The following FLT3 variants were observed in gnomAD, a reference collection of about 807,000 sequenced individuals.
FLT3 encodes the protein fms related receptor tyrosine kinase 3.
FLT3 carries 46 observed loss-of-function variants against 126.6 expected under a neutral mutation model. That is an observed-to-expected ratio of 0.36 (90% CI 0.29 to 0.46). FLT3 has a LOEUF of 0.46. Ranked by LOEUF, FLT3 falls within the 20% of genes least tolerant of loss-of-function variation. The pLI is 1.00. For missense variants in FLT3, 1,069 were observed against 1,190.3 expected (o/e 0.90, Z 1.50); for synonymous variants, 404 against 434.4 (o/e 0.93, Z 0.87).
rs142922228 is a variant in FLT3, at chr13:28,004,055, C to G, written c.2979G>C (p.Ser993=). The G allele has an allele frequency of 1.2e-6, 2 of 1,614,086 alleles. No homozygotes were observed. The highest frequency in any genetic ancestry group is 2.2e-5 in the South Asian group (2 of 91,070). ...TCCTTAAAACTAAATTGTTCCTCTA[C>G]GAATCTTCGACCTGAGCCTGCGGAG... ...LLSPQAQVED[S] The change falls in exon 24 of 24, where the codon TCG becomes TCC. Residue 993 remains serine, a synonymous_variant. Coordinates refer to ENST00000241453, the MANE Select transcript of FLT3 (RefSeq NM_004119.3).
At chr13:28,004,544 G>T (rs1593200941) in intron 23 of FLT3, among the ~76,000 whole-genome samples, 1 of 152,170 alleles carries the variant, frequency 6.6e-6, no homozygotes, top group African/African-American at 2.4e-5. Context: ...GGGCTCAAGT[G>T]ATCCCACACC....
At chr13:28,007,171 T>A (rs1036555569) in intron 23 of FLT3, among the ~76,000 whole-genome samples, 3 of 152,200 alleles carry the variant, frequency 2.0e-5, no homozygotes, top group African/African-American at 7.2e-5. Context: ...AAGAAGTATA[T>A]AAATTTTCTT....
chr13:28,098,449 A>G (rs1156825777), intron 1 of FLT3, among the ~76,000 whole-genome samples: 2 of 151,816 alleles, frequency 1.3e-5, no homozygotes, highest in African/African-American at 4.8e-5. Context: ...ATCCTTCTTT[A>G]TTCAAGAAAA....
chr13:28,007,976 G>C (rs1290560862), intron 23 of FLT3, among the ~76,000 whole-genome samples: 1 of 151,916 alleles, frequency 6.6e-6, no homozygotes, highest in East Asian at 1.9e-4. Context: ...TTTCTGCTTT[G>C]TTCATTTTCC....
intron 23 of FLT3, among the ~76,000 whole-genome samples, chr13:28,007,183 T>C (rs897960416): frequency 6.6e-6 from 1 of 152,210 alleles, no homozygotes; most frequent in Non-Finnish European, 1.5e-5. Flanking sequence ...AATTTTCTTA[T>C]ACTTTAAAAA....
intron 23 of FLT3, among the ~76,000 whole-genome samples, chr13:28,007,357 T>C (rs1279553186): frequency 6.6e-6 from 1 of 152,070 alleles, no homozygotes; most frequent in Non-Finnish European, 1.5e-5. Context: ...AGTGATTCTC[T>C]TGTCTCAGCC....
At chr13:28,073,936 C>T (rs1402540405) in intron 1 of FLT3, among the ~76,000 whole-genome samples, 2 of 71,752 alleles carry the variant, frequency 2.8e-5, no homozygotes, top group Admixed American at 1.7e-4. Flanking sequence ...CCAGATCCTG[C>T]CTCTAAAAAA....
At chr13:28,030,288 G>T (rs921632591) in intron 15 of FLT3, among the ~76,000 whole-genome samples, 11 of 152,202 alleles carry the variant, frequency 7.2e-5, no homozygotes, top group African/African-American at 2.4e-4. Flanking sequence ...ACGCTGGACA[G>T]GGATTCGGGG....
At chr13:28,034,440 C>G (rs780372708) in intron 12 of FLT3, 33 bp from the exon 13 acceptor site, 4 of 1,439,410 alleles carry the variant, frequency 2.8e-6, no homozygotes, top group African/African-American at 1.4e-5. Context: ...AGCGATGAAA[C>G]AGAATTCCTG....
Position 28,033,960 on chromosome 13 carries a change from T to C in FLT3, c.1869A>G (p.Lys623=), listed in dbSNP as rs1161641805. 1 of 1,614,196 alleles carries C rather than the reference T, an allele frequency of 6.2e-7. No homozygotes were observed. The highest frequency in any genetic ancestry group is 1.1e-5 in the South Asian group (1 of 91,080). ...TTCCATAAGCTGTTGCGTTCATCACTTTTCCAAAAGCACCTGATCCTAGTA... is the reference window on the plus strand; with the variant it reads ...TTCCATAAGCTGTTGCGTTCATCACCTTTCCAAAAGCACCTGATCCTAGTA... The part of the protein sequence containing the change: ...GKVLGSGAFG[K]VMNATAYGIS... The change falls in exon 15 of 24, where the codon AAA becomes AAG. Residue 623 remains lysine (K), a synonymous_variant. Coordinates refer to ENST00000241453, the MANE Select transcript of FLT3 (RefSeq NM_004119.3).
At chr13:28,036,093 C>A in intron 10 of FLT3, 50 bp from the exon 11 acceptor site, 1 of 1,460,654 alleles carries the variant, frequency 6.8e-7, no homozygotes, top group South Asian at 1.1e-5. Context: ...CATAGTGGTT[C>A]ACTCCTATAA....
chr13:28,022,687 A>G (rs1056114608), intron 19 of FLT3, among the ~76,000 whole-genome samples: 13 of 152,172 alleles, frequency 8.5e-5, no homozygotes, highest in Non-Finnish European at 1.8e-4. Context: ...GAAGGTAATG[A>G]AAGGCAAGCA....
chr13:28,025,035 C>T, intron 17 of FLT3, 92 bp from the exon 18 acceptor site: 1 of 760,876 alleles, frequency 1.3e-6, no homozygotes, highest in Non-Finnish European at 2.3e-6. Flanking sequence ...AAATGGATTC[C>T]AGTTATAAAT....
At chr13:28,030,839 G>A (rs1478377526) in intron 15 of FLT3, among the ~76,000 whole-genome samples, 1 of 152,174 alleles carries the variant, frequency 6.6e-6, no homozygotes, top group East Asian at 1.9e-4. Flanking sequence ...AGGACTTGAA[G>A]CTTGCCGTGA....
At position 28,027,290 on chromosome 13, in the gene FLT3, A is replaced by G. The variant is rs774215795; in HGVS notation, c.2054-49T>C. ...ATAGGCATACACAAAGCAAACTGTT[A>G]TTTCAGAAGTCTATGTAGCAGACAA... On this transcript the variant is annotated intron_variant, in intron 16 of 23. Coordinates refer to ENST00000241453, the MANE Select transcript of FLT3 (RefSeq NM_004119.3). 23 of 1,488,524 alleles carry G rather than the reference A, an allele frequency of 1.5e-5. No individual in the cohort carries two copies. The African/African-American group carries it at 2.9e-4, about 19-fold the overall frequency. The allele number at this position is 1,488,524 out of a possible 1,614,324, so 92.2% of individuals were successfully genotyped here. A position where few individuals can be genotyped will look rare whatever the true frequency, so the allele number is the denominator to read the frequency against.
Position 28,070,941 on chromosome 13 carries a change from T to C in FLT3, c.44-329A>G, listed in dbSNP as rs537959469. Among the ~76,000 whole-genome samples the C allele has an allele frequency of 3.3e-5, 5 of 151,378 alleles. No homozygotes were observed. In the South Asian group the frequency reaches 8.4e-4, roughly 25 times the overall value. On this transcript the variant is annotated intron_variant, in intron 1 of 23. Transcript: ENST00000241453. ...CTGAGGAAATGATTATTTGTATACA[T>C]GATTTGTGTGTGTGTGTGTGTGCAC...
intron 8 of FLT3, 40 bp downstream of exon 8, chr13:28,049,344 T>C (rs781502682): frequency 2.5e-6 from 4 of 1,582,396 alleles, no homozygotes; most frequent in Non-Finnish European, 3.5e-6. Flanking sequence ...CTACAGCGAC[T>C]AAAAATAGGA....
At chr13:28,018,381 G>T in intron 20 of FLT3, 86 bp downstream of exon 20, 1 of 1,470,600 alleles carries the variant, frequency 6.8e-7, no homozygotes, top group Non-Finnish European at 9.4e-7. Flanking sequence ...AATCAAAAAT[G>T]CACCACAGTG....
chr13:28,028,691 C>T (rs779810257), intron 15 of FLT3, among the ~76,000 whole-genome samples: 3 of 151,980 alleles, frequency 2.0e-5, no homozygotes, highest in Non-Finnish European at 2.9e-5. Flanking sequence ...GAGTGAAACT[C>T]CATCTTAAAA....
Sources: gnomAD v4.1 joint callset for allele counts (sites outside exome capture counted in the v4.1 genomes callset) on GRCh38, gnomAD v4.1.1 for gene constraint, MANE v1.5 for transcripts, NCBI Gene and HGNC (gene_info 2026-07-23, HGNC 2026-07-21) for gene names.